Variants in PEAK1 observed in about 807,000 individuals in gnomAD.
The protein encoded by PEAK1 is inactive tyrosine-protein kinase PEAK1.
A neutral mutation model predicts 124.7 loss-of-function variants in PEAK1; 54 were observed. That is an observed-to-expected ratio of 0.43 (90% CI 0.35 to 0.54). The LOEUF is 0.54. Among genes scored for constraint, PEAK1 ranks in the 20% least tolerant of loss-of-function variants. The pLI is 0.01. For missense variants in PEAK1, 2,046 were observed against 2,134.5 expected (o/e 0.96, Z 0.82); for synonymous variants, 719 against 760.0 (o/e 0.95, Z 0.89).
intron 5 of PEAK1, among the ~76,000 whole-genome samples, chr15:77,261,969 A>G (rs1428796146): frequency 1.3e-5 from 2 of 152,146 alleles, no homozygotes; most frequent in Non-Finnish European, 2.9e-5. Flanking sequence ...ATTCTTAAAG[A>G]AAAGAATTTT....
chr15:77,141,030 T>C (rs1460226519), intron 8 of PEAK1, among the ~76,000 whole-genome samples: 1 of 152,032 alleles, frequency 6.6e-6, no homozygotes, highest in Admixed American at 6.6e-5. Context: ...GTACAGGAGG[T>C]TCTAGTCAGG....
At chr15:77,320,905 C>T (rs887578737) in intron 2 of PEAK1, among the ~76,000 whole-genome samples, 2 of 151,678 alleles carry the variant, frequency 1.3e-5, no homozygotes, top group African/African-American at 2.4e-5. Flanking sequence ...TGAGAGCATG[C>T]GGTGTTTGGT....
At chr15:77,229,444 C>T (rs2059810245) in intron 6 of PEAK1, among the ~76,000 whole-genome samples, 1 of 152,038 alleles carries the variant, frequency 6.6e-6, no homozygotes, top group Admixed American at 6.6e-5. Flanking sequence ...AGAAAACTGC[C>T]ATCTTAAAGC....
At chr15:77,150,860 G>A (rs545348642) in intron 8 of PEAK1, among the ~76,000 whole-genome samples, 58 of 152,220 alleles carry the variant, frequency 3.8e-4, no homozygotes, top group African/African-American at 1.3e-3. Flanking sequence ...TTTTATGGCT[G>A]CATAGTATTC....
At chr15:77,122,786 T>C (rs2052033466) in intron 9 of PEAK1, among the ~76,000 whole-genome samples, 1 of 152,200 alleles carries the variant, frequency 6.6e-6, no homozygotes, top group Admixed American at 6.5e-5. Context: ...TAAAAATATT[T>C]ATTTTGAATT....
At chr15:77,310,466 C>T (rs560760560) in intron 2 of PEAK1, among the ~76,000 whole-genome samples, 1 of 152,156 alleles carries the variant, frequency 6.6e-6, no homozygotes, top group South Asian at 2.1e-4. Flanking sequence ...ATGGCTTGGG[C>T]TGTAAAAAAG....
chr15:77,383,657 A>G (rs911021948), intron 1 of PEAK1, among the ~76,000 whole-genome samples: 1 of 152,144 alleles, frequency 6.6e-6, no homozygotes, highest in African/African-American at 2.4e-5. Context: ...CCCATATACA[A>G]CATCATTTTT....
At chr15:77,415,485 T>C (rs2072801813) in intron 1 of PEAK1, among the ~76,000 whole-genome samples, 1 of 152,170 alleles carries the variant, frequency 6.6e-6, no homozygotes, top group South Asian at 2.1e-4. Context: ...GGCCTTCAAC[T>C]TCTGGGTTCA....
chr15:77,271,500 A>G (rs977700296), intron 5 of PEAK1, among the ~76,000 whole-genome samples: 2 of 152,186 alleles, frequency 1.3e-5, no homozygotes, highest in Non-Finnish European at 2.9e-5. Flanking sequence ...TTGTGGCACT[A>G]TTCACAATAG....
chr15:77,355,818 A>T (rs2067482624), intron 2 of PEAK1: 1 of 985,242 alleles, frequency 1.0e-6, no homozygotes, highest in Admixed American at 6.2e-5. Context: ...CGGAATTATA[A>T]TAGAAAAACT....
At chr15:77,238,318 T>A (rs2060211237) in intron 6 of PEAK1, among the ~76,000 whole-genome samples, 1 of 152,182 alleles carries the variant, frequency 6.6e-6, no homozygotes, top group African/African-American at 2.4e-5. Flanking sequence ...CTACTCTTTC[T>A]GTCTATCCTC....
chr15:77,105,079 T>C (rs2050733417), downstream of PEAK1: 1 of 152,214 alleles, frequency 6.6e-6, no homozygotes, highest in East Asian at 1.9e-4. Context: ...AGATGAACCA[T>C]AGGCTTGGAG....
chr15:77,282,832 A>T (rs1166537000), intron 5 of PEAK1, among the ~76,000 whole-genome samples: 3 of 152,214 alleles, frequency 2.0e-5, no homozygotes, highest in Non-Finnish European at 4.4e-5. Flanking sequence ...CCAGGAAACT[A>T]GCTCCTGAGT....
intron 3 of PEAK1, 143 bp downstream of exon 3, chr15:77,286,280 T>G (rs2062926979): frequency 2.5e-6 from 1 of 403,976 alleles, no homozygotes; most frequent in Admixed American, 4.5e-5. Flanking sequence ...GAAAAGAGCA[T>G]GTCTTATTCA....
intron 2 of PEAK1, among the ~76,000 whole-genome samples, chr15:77,311,805 T>G (rs773581857): frequency 1.9e-4 from 29 of 148,844 alleles, no homozygotes; most frequent in Non-Finnish European, 3.4e-4. Flanking sequence ...TGCCATAAGG[T>G]GGAGCTGGAT....
intron 8 of PEAK1, among the ~76,000 whole-genome samples, chr15:77,143,161 C>T (rs983288227): frequency 6.6e-6 from 1 of 152,110 alleles, no homozygotes; most frequent in African/African-American, 2.4e-5. Flanking sequence ...GCCCTATTTT[C>T]TCTTGGCTAA....
chr15:77,260,393 G>A (rs532026130), intron 5 of PEAK1, among the ~76,000 whole-genome samples: 76 of 152,130 alleles, frequency 5.0e-4, no homozygotes, highest in Middle Eastern at 3.4e-3. Flanking sequence ...GTAAGAATCA[G>A]GGAAATGTGG....
upstream of PEAK1, chr15:77,420,877 A>C (rs1322446584): frequency 1.8e-5 from 7 of 398,674 alleles, no homozygotes; most frequent in African/African-American, 1.4e-4. Flanking sequence ...GCTGCGGAAG[A>C]ATTTTTGTCC....
intron 2 of PEAK1, chr15:77,352,280 C>T (rs2067255199): frequency 2.0e-6 from 2 of 985,328 alleles, no homozygotes; most frequent in African/African-American, 3.5e-5. Flanking sequence ...CCATACCTCT[C>T]CCCCAGGAAG....
Sources: allele counts gnomAD v4.1 joint callset (sites outside exome capture counted in the v4.1 genomes callset), GRCh38; gene constraint gnomAD v4.1.1; transcripts MANE v1.5; gene names NCBI Gene and HGNC (gene_info 2026-07-23, HGNC 2026-07-21).